Variants in QRICH1 observed in about 807,000 individuals in gnomAD.
QRICH1 encodes glutamine rich 1.
A neutral mutation model predicts 87.1 loss-of-function variants in QRICH1; 16 were observed. The ratio of observed to expected loss-of-function variants is 0.18; its 90% CI spans 0.12 to 0.28. The LOEUF is 0.28. QRICH1 is among the 10% of genes least tolerant of loss of function. The probability of loss-of-function intolerance (pLI) is 1.00; values close to 1 mark genes in which losing one functional copy is unlikely to be tolerated. For synonymous variants in QRICH1, 367 were observed against 368.4 expected (o/e 1.00, Z 0.05); for missense variants, 647 against 951.7 (o/e 0.68, Z 4.21).
intron 2 of QRICH1, among the ~76,000 whole-genome samples, chr3:49,067,243 A>C (rs2093473789): frequency 1.3e-5 from 2 of 152,178 alleles, no homozygotes. Context: ...CAAAATAGTA[A>C]GAATTTAAAA....
intron 2 of QRICH1, among the ~76,000 whole-genome samples, chr3:49,063,446 T>C (rs1286455811): frequency 1.3e-5 from 2 of 152,194 alleles, no homozygotes; most frequent in Admixed American, 1.3e-4. Flanking sequence ...AAGAGGAAAC[T>C]ATGTAGCCAA....
In QRICH1 at chr3:49,030,218, A is replaced by C. The variant is rs1365146290; in HGVS notation, c.*234T>G. Reference sequence around the variant, plus strand: ...GAGTCAGCCAGCAACTTTCTAGGACATATGACACTCAAGGAAACCCAGAGC... The same window carrying C: ...GAGTCAGCCAGCAACTTTCTAGGACCTATGACACTCAAGGAAACCCAGAGC... On this transcript the variant is annotated 3_prime_UTR_variant, in exon 10 of 10. Coordinates refer to ENST00000395443, the MANE Select transcript of QRICH1 (RefSeq NM_198880.3). The C allele has an allele frequency of 2.0e-5, 11 of 552,104 alleles. No individual in the cohort carries two copies. Among genetic ancestry groups the C allele is most frequent in the Non-Finnish European group, 2.5e-5 (8 of 316,366 alleles). 34.2% of individuals were successfully genotyped at this position (552,104 alleles called of 1,614,324 possible).
Position 49,030,634 on chromosome 3 carries a change from C to T in QRICH1, c.2149G>A (p.Val717Met). ...TAAAAGGTGTCATTCCGGCCTTTCA[C>T]ACTCTGGGGGCTGAAGAATATGCGG... ...DFYLFKCPQS[V>M]KGRNDTFYLT... Residue 717 changes from valine to methionine, a missense_variant, in exon 10 of 10, where the codon GTG (valine) becomes ATG (methionine). Physicochemically the swap from Val to Met is conservative, Grantham distance 21. Coordinates refer to ENST00000395443, the MANE Select transcript of QRICH1 (RefSeq NM_198880.3). 2 of 1,579,850 alleles carry T rather than the reference C, an allele frequency of 1.3e-6. No homozygotes were observed. Among genetic ancestry groups the T allele is most frequent in the Non-Finnish European group, 1.7e-6 (2 of 1,161,370 alleles).
chr3:49,063,851 G>A (rs1199467409), intron 2 of QRICH1, among the ~76,000 whole-genome samples: 1 of 152,038 alleles, frequency 6.6e-6, no homozygotes, highest in Non-Finnish European at 1.5e-5. Context: ...TGTTTACATA[G>A]GTTATATCTA....
intron 2 of QRICH1, among the ~76,000 whole-genome samples, chr3:49,063,896 A>C (rs1423720862): frequency 6.6e-6 from 1 of 152,064 alleles, no homozygotes; most frequent in African/African-American, 2.4e-5. Context: ...TAAAACTAGG[A>C]ATTTAATTTT....
At chr3:49,044,110 G>A (rs752353510) in intron 6 of QRICH1, among the ~76,000 whole-genome samples, 4 of 152,102 alleles carry the variant, frequency 2.6e-5, no homozygotes, top group Non-Finnish European at 5.9e-5. Flanking sequence ...TAATTGTTAT[G>A]ATTCTAATTT....
At chr3:49,075,356 C>T (rs905023634) in intron 2 of QRICH1, among the ~76,000 whole-genome samples, 3 of 149,576 alleles carry the variant, frequency 2.0e-5, no homozygotes, top group African/African-American at 4.9e-5. Flanking sequence ...AAAAGTCAGG[C>T]GCCGTGGCTC....
At chr3:49,062,706 A>C (rs974543872) in intron 2 of QRICH1, among the ~76,000 whole-genome samples, 2 of 151,116 alleles carry the variant, frequency 1.3e-5, no homozygotes, top group African/African-American at 4.9e-5. Flanking sequence ...AGCTGTTACT[A>C]AGTATATTTT....
chr3:49,046,008 C>T (rs746666997), intron 5 of QRICH1, among the ~76,000 whole-genome samples: 10 of 151,104 alleles, frequency 6.6e-5, no homozygotes, highest in Admixed American at 1.3e-4. Context: ...CTCTACCTCC[C>T]GGGTTCAAGC....
chr3:49,057,039 C>G lies in QRICH1; in HGVS notation c.1161G>C (p.Gln387His). The G allele has an allele frequency of 6.2e-7, 1 of 1,614,194 alleles. No individual in the cohort carries two copies. The highest frequency in any genetic ancestry group is 8.5e-7 in the Non-Finnish European group (1 of 1,180,040). Reference protein sequence around the residue: ...QTLANSLFPAQFMNGNIHIPV... With the variant: ...QTLANSLFPAHFMNGNIHIPV... ...GAATGTGGATGTTGCCATTCATGAACTGTGCTGGAAAGAGAGAGTTTGCAA... is the reference window on the plus strand; with the variant it reads ...GAATGTGGATGTTGCCATTCATGAAGTGTGCTGGAAAGAGAGAGTTTGCAA... The change falls in exon 3 of 10, where the codon CAG becomes CAC. Residue 387 changes from glutamine to histidine, a missense_variant. By Grantham distance (24) the Gln-to-His change is conservative. Around this residue, in one of 7 missense-constraint regions of QRICH1, gnomAD observed 115 missense variants for 126.8 expected, o/e 0.91. Transcript: ENST00000395443. The surrounding 1 kb of genome is among the most constrained non-coding windows in gnomAD (Gnocchi z 5.4).
intron 2 of QRICH1, among the ~76,000 whole-genome samples, chr3:49,066,564 A>G (rs2093469558): frequency 6.6e-6 from 1 of 150,832 alleles, no homozygotes; most frequent in Non-Finnish European, 1.5e-5. Context: ...TCCCGGGTTC[A>G]AGCAATTCTC....
At chr3:49,056,679 T>C in intron 3 of QRICH1, 183 bp downstream of exon 3, 1 of 1,135,306 alleles carries the variant, frequency 8.8e-7, no homozygotes, top group Admixed American at 2.3e-5. Flanking sequence ...GGTACCAGGA[T>C]AAACTCTTTT....
chr3:49,049,300 C>T (rs2093356639), intron 3 of QRICH1, among the ~76,000 whole-genome samples: 1 of 151,502 alleles, frequency 6.6e-6, no homozygotes, highest in African/African-American at 2.4e-5. Context: ...GAAAAATTAG[C>T]CAGGCATAGT....
intron 5 of QRICH1, 136 bp downstream of exon 5, chr3:49,046,289 G>C: frequency 1.2e-6 from 1 of 805,124 alleles, no homozygotes; most frequent in Non-Finnish European, 1.9e-6. Flanking sequence ...CAACAAATGT[G>C]TATTTTAAAA....
In QRICH1 at chr3:49,060,267, C is replaced by A. The variant is rs184609599; in HGVS notation, c.310-2377G>T. Among the ~76,000 whole-genome samples, 1,127 of 152,146 alleles carry A rather than the reference C, an allele frequency of 7.4e-3. 7 individuals are homozygous for A. The highest frequency in any genetic ancestry group is 0.034 in the Middle Eastern group (10 of 292). On this transcript the variant is annotated intron_variant, in intron 2 of 9. Coordinates refer to ENST00000395443, the MANE Select transcript of QRICH1 (RefSeq NM_198880.3). ...GGAGTGCAGTGGTGTGATCTCAGCT[C>A]ACTGCAAGCTCCGCCTCCCAGGTTC...
At chr3:49,035,324 G>A (rs530886048) in intron 6 of QRICH1, among the ~76,000 whole-genome samples, 2 of 152,054 alleles carry the variant, frequency 1.3e-5, no homozygotes, top group African/African-American at 2.4e-5. Flanking sequence ...CTCCTACCTC[G>A]GCCTACCAAA....
rs2093341270 is a variant in QRICH1 at position 49,046,680 on chromosome 3, A to G, written c.1517-101T>C. 5 of 1,238,568 alleles carry G rather than the reference A, an allele frequency of 4.0e-6. No individual in the cohort carries two copies. In the African/African-American group the frequency reaches 6.0e-5, roughly 15 times the overall value. The allele number at this position is 1,238,568 out of a possible 1,614,324, so 76.7% of individuals were successfully genotyped here. A position where few individuals can be genotyped will look rare whatever the true frequency, so the allele number is the denominator to read the frequency against. ...TCAGGGTGCTGGGATAGAAATGCTC[A>G]CTTGTATCTACTAGAATGTTTCATG... On this transcript the variant is annotated intron_variant, in intron 4 of 9. Transcript: ENST00000395443.
chr3:49,055,624 G>T (rs189976326), intron 3 of QRICH1, among the ~76,000 whole-genome samples: 146 of 152,128 alleles, frequency 9.6e-4, no homozygotes, highest in Non-Finnish European at 1.7e-3. Context: ...CAGCCTCCCA[G>T]ACTGCTGGGA....
Position 49,030,562 on chromosome 3 carries a change from A to C in QRICH1, c.2221T>G (p.Ser741Ala). Reference sequence around the variant, plus strand: ...TGCTCTCTGCTGATAGGCTGGACTGAGTACCAGATTGGGCTGTTGGGGGCC... The same window carrying C: ...TGCTCTCTGCTGATAGGCTGGACTGCGTACCAGATTGGGCTGTTGGGGGCC... ...VVAPNSPIWY[S>A]VQPISREQMG... The change falls in exon 10 of 10, where the codon TCA becomes GCA. Residue 741 changes from serine (S) to alanine (A), a missense_variant. Transcript: ENST00000395443. The C allele has an allele frequency of 1.2e-6, 2 of 1,613,728 alleles. No homozygotes were observed. The highest frequency in any genetic ancestry group is 1.7e-6 in the Non-Finnish European group (2 of 1,179,826).
Sources: gnomAD v4.1 joint callset for allele counts (sites outside exome capture counted in the v4.1 genomes callset) on GRCh38, gnomAD v4.1.1 for gene constraint, gnomAD v4.1.1 regional missense constraint, Gnocchi (gnomAD v3.1) non-coding constraint, MANE v1.5 for transcripts, NCBI Gene and HGNC (gene_info 2026-07-23, HGNC 2026-07-21) for gene names.